Variants in SEC14L5 observed in about 807,000 individuals in gnomAD.
SEC14L5 encodes SEC14 like lipid binding 5.
In SEC14L5, 96 loss-of-function variants were observed where a neutral mutation model predicts 84.6. That is an observed-to-expected ratio of 1.13 (90% CI 0.96 to 1.34). SEC14L5 has a LOEUF of 1.34. Ranked by LOEUF, SEC14L5 falls within the 40% of genes most tolerant of loss-of-function variation. The pLI, the probability that SEC14L5 is intolerant of heterozygous loss-of-function variation, is 0.00. For missense variants in SEC14L5, 1,224 were observed against 942.5 expected, an observed-to-expected ratio of 1.30 and a Z score of -3.91; for synonymous variants, 546 against 383.4, an observed-to-expected ratio of 1.42 and a Z score of -4.95.
chr16:5,017,859 A>G lies in SEC14L5; in HGVS notation c.*2889A>G, dbSNP rs1955892881. 6.6e-6 allele frequency: 1 copy of G among 152,230 alleles called. No homozygotes were observed. Among genetic ancestry groups the G allele is most frequent in the Non-Finnish European group, 1.5e-5 (1 of 68,040 alleles). The allele number at this position is 152,230 out of a possible 1,614,324, so 9.4% of individuals were successfully genotyped here. ...AAAATAATCCAAGGAAGGGATTGCC[A>G]AGCTTTTGGCTTTTGAATTTCCCCT... On this transcript the variant is annotated 3_prime_UTR_variant, in exon 16 of 16. Transcript: ENST00000251170.
intron 2 of SEC14L5, 58 bp from the exon 3 acceptor site, chr16:4,987,499 G>A: frequency 2.3e-6 from 3 of 1,298,400 alleles, no homozygotes; most frequent in Non-Finnish European, 3.1e-6. Flanking sequence ...GGTCGCGCTG[G>A]GGGGGGGGGT....
intron 15 of SEC14L5, among the ~76,000 whole-genome samples, chr16:5,011,571 A>C (rs1955804869): frequency 1.3e-5 from 2 of 152,216 alleles, no homozygotes; most frequent in African/African-American, 4.8e-5. Flanking sequence ...AAACCCTTCC[A>C]TGTGGGCTTC....
intron 6 of SEC14L5, among the ~76,000 whole-genome samples, chr16:4,993,689 T>C (rs552483392): frequency 2.6e-5 from 4 of 152,358 alleles, no homozygotes; most frequent in Non-Finnish European, 4.4e-5. Flanking sequence ...ATACAAAGCA[T>C]AACATTTTAA....
chr16:4,962,728 G>C (rs8059811), intron 2 of SEC14L5, among the ~76,000 whole-genome samples: 86,957 of 149,110 alleles, frequency 0.58, 26,468 homozygotes, highest in East Asian at 0.79. Flanking sequence ...CTGTACCTGC[G>C]TTAATTTAAG....
chr16:5,000,542 TTGG>T, intron 8 of SEC14L5, 110 bp from the exon 9 acceptor site: 1 of 764,128 alleles, frequency 1.3e-6, no homozygotes. Context: ...GGATCGGGCC[TTGG>T]TGGGTTGCAG....
At chr16:4,960,218 G>A (rs1955103738) in intron 2 of SEC14L5, among the ~76,000 whole-genome samples, 1 of 152,178 alleles carries the variant, frequency 6.6e-6, no homozygotes. Context: ...CAGTAACATG[G>A]GGACAATGCT....
At chr16:4,973,597 C>G (rs529703082) in intron 2 of SEC14L5, among the ~76,000 whole-genome samples, 1 of 151,950 alleles carries the variant, frequency 6.6e-6, no homozygotes, top group East Asian at 1.9e-4. Context: ...CGATGCAACA[C>G]AGATGGGCTG....
chr16:4,999,041 T>G lies in SEC14L5; in HGVS notation c.971-1614T>G, dbSNP rs537549682. Among the ~76,000 whole-genome samples the G allele has an allele frequency of 5.1e-4, 77 of 152,348 alleles. 3 individuals are homozygous for G. The South Asian group carries it at 5.4e-3, about 11-fold the overall frequency. The stretch of plus-strand genomic sequence containing the variant: ...GCGGCTCCTGCCTTTTTGTTTCAGT[T>G]CTCATACCCTAAACGAGTGTCCTTT... On this transcript the variant is annotated intron_variant, in intron 8 of 15. Transcript: ENST00000251170.
At position 5,003,386 on chromosome 16, in the gene SEC14L5, G is replaced by A; in HGVS notation, c.1131-16G>A. 6.2e-7 allele frequency: 1 copy of A among 1,608,282 alleles called. No homozygotes were observed. Among genetic ancestry groups the A allele is most frequent in the South Asian group, 1.1e-5 (1 of 90,942 alleles). ...GGCAGCAGAGCCAGGTGGAGCTGGG[G>A]CTATTTCTGCCACAGCTCCTGGACC... is the stretch of plus-strand genomic sequence containing the variant. On this transcript the variant is annotated splice_polypyrimidine_tract_variant and intron_variant, in intron 10 of 15. Coordinates refer to ENST00000251170, the MANE Select transcript of SEC14L5 (RefSeq NM_014692.2).
Position 4,968,398 on chromosome 16 carries a change from C to T in SEC14L5, c.63+9012C>T, listed in dbSNP as rs985270580. Among the ~76,000 whole-genome samples, 8 of 152,098 alleles carry T rather than the reference C, an allele frequency of 5.3e-5. No individual in the cohort carries two copies. In the East Asian group the frequency reaches 7.8e-4, roughly 15 times the overall value. On this transcript the variant is annotated intron_variant, in intron 2 of 15. Transcript: ENST00000251170. Reference sequence around the variant, plus strand: ...TTCTCCATATTGGTCAGGCTGGTCTCGAACTCCCGACCTCAGGTGATCCGC... The same window carrying T: ...TTCTCCATATTGGTCAGGCTGGTCTTGAACTCCCGACCTCAGGTGATCCGC...
Position 4,962,698 on chromosome 16 carries a change from A to ACAC in SEC14L5, c.63+3312_63+3313insCAC, listed in dbSNP as rs1555527598. Among the ~76,000 whole-genome samples the ACAC allele has an allele frequency of 3.4e-4, 51 of 151,476 alleles. 1 individual carries two copies. The highest frequency in any genetic ancestry group is 1.1e-3 in the African/African-American group (47 of 41,174). ...TGAAACTCTGTCTCAAAAAAAAAAA[A>ACAC]AAAAAAAAAACTTCCTTATCTGTAC... is the stretch of plus-strand genomic sequence containing the variant. On this transcript the variant is annotated intron_variant, in intron 2 of 15. Coordinates refer to ENST00000251170, the MANE Select transcript of SEC14L5 (RefSeq NM_014692.2).
At chr16:5,014,106 C>T (rs541242395) in intron 15 of SEC14L5, among the ~76,000 whole-genome samples, 1 of 152,350 alleles carries the variant, frequency 6.6e-6, no homozygotes, top group African/African-American at 2.4e-5. Context: ...CTGCTAGTCA[C>T]CTGCAGCAAT....
chr16:4,998,095 C>A (rs1364535397), intron 8 of SEC14L5, among the ~76,000 whole-genome samples: 1 of 151,424 alleles, frequency 6.6e-6, no homozygotes, highest in Non-Finnish European at 1.5e-5. Context: ...CTCCGCCCCC[C>A]GCCAGGTTCA....
intron 2 of SEC14L5, among the ~76,000 whole-genome samples, chr16:4,976,444 G>T (rs1955340878): frequency 2.0e-5 from 3 of 152,194 alleles, no homozygotes. Context: ...AGCGGCTGAT[G>T]ACCCTATTTC....
chr16:5,012,888 G>A (rs1246798212), intron 15 of SEC14L5, among the ~76,000 whole-genome samples: 3 of 119,662 alleles, frequency 2.5e-5, no homozygotes, highest in Non-Finnish European at 5.1e-5. Context: ...GAGCGAGACT[G>A]TCTCAAAAAG....
chr16:5,010,278 C>G (rs890066099), intron 14 of SEC14L5, among the ~76,000 whole-genome samples: 3 of 148,958 alleles, frequency 2.0e-5, no homozygotes, highest in African/African-American at 7.5e-5. Context: ...GCAGGAGAAT[C>G]GCTTGAACCT....
At chr16:4,973,532 G>A (rs1484009351) in intron 2 of SEC14L5, among the ~76,000 whole-genome samples, 1 of 152,232 alleles carries the variant, frequency 6.6e-6, no homozygotes, top group African/African-American at 2.4e-5. Context: ...AAAAGTTGGG[G>A]GGTCTACCCC....
At chr16:4,963,039 C>T (rs528663408) in intron 2 of SEC14L5, among the ~76,000 whole-genome samples, 3 of 152,138 alleles carry the variant, frequency 2.0e-5, no homozygotes, top group Non-Finnish European at 4.4e-5. Flanking sequence ...TCACTGCATC[C>T]GAGTGACCAG....
rs1180890526 is a variant in SEC14L5 at position 5,017,005 on chromosome 16, A to G, written c.*2035A>G. 3 of 152,250 alleles carry G rather than the reference A, an allele frequency of 2.0e-5. No homozygotes were observed. Among genetic ancestry groups the G allele is most frequent in the African/African-American group, 4.8e-5 (2 of 41,462 alleles). 9.4% of individuals were successfully genotyped at this position (152,250 alleles called of 1,614,324 possible). ...CATTTATTGCTGAGAGCAACTTGCA[A>G]TATTTTCAACTATCTTTAAGTGAAT... is the stretch of plus-strand genomic sequence containing the variant. On this transcript the variant is annotated 3_prime_UTR_variant, in exon 16 of 16. Transcript: ENST00000251170.
Sources: allele counts gnomAD v4.1 joint callset (sites outside exome capture counted in the v4.1 genomes callset), GRCh38; gene constraint gnomAD v4.1.1; transcripts MANE v1.5; gene names NCBI Gene and HGNC (gene_info 2026-07-23, HGNC 2026-07-21).